The following BABAM2 variants were observed in gnomAD, a reference collection of about 807,000 sequenced individuals.
The protein encoded by BABAM2 is BRISC and BRCA1 A complex member 2, also known as BRISC and BRCA1-A complex member 2.
In BABAM2, 31 loss-of-function variants were observed where a neutral mutation model predicts 54.7. That is an observed-to-expected ratio of 0.57 (90% CI 0.43 to 0.77). The LOEUF (loss-of-function observed/expected upper bound fraction) is 0.77. Among genes scored for constraint, BABAM2 ranks in the 30% least tolerant of loss-of-function variants. The pLI is 0.00. For synonymous variants in BABAM2, 167 were observed against 162.9 expected (o/e 1.03, Z -0.19); for missense variants, 364 against 455.8 (o/e 0.80, Z 1.83).
chr2:28,172,113 GTGGT>G (rs1270996892), intron 7 of BABAM2, among the ~76,000 whole-genome samples: 1 of 150,724 alleles, frequency 6.6e-6, no homozygotes, highest in African/African-American at 2.4e-5. Flanking sequence ...GTGTGTGTGT[GTGGT>G]GTGTGTGTAT....
chr2:27,900,763 G>A (rs1351887603), intron 2 of BABAM2, among the ~76,000 whole-genome samples: 1 of 152,128 alleles, frequency 6.6e-6, no homozygotes, highest in Non-Finnish European at 1.5e-5. Flanking sequence ...ATTATAGTAG[G>A]CCGGGCGCGG....
At position 28,180,192 on chromosome 2, in the gene BABAM2, C is replaced by T. The variant is rs192307474; in HGVS notation, c.680+50812C>T. On this transcript the variant is annotated intron_variant, in intron 7 of 11. Coordinates refer to ENST00000379624, the MANE Select transcript of BABAM2 (RefSeq NM_199191.3). ...TGAGCAAAAAGAACAAAGCTGAAGG[C>T]ATCACACTACCTAACTGCAAAATAT... Among the ~76,000 whole-genome samples, 4 of 152,102 alleles carry T rather than the reference C, an allele frequency of 2.6e-5. No homozygotes were observed. In the East Asian group the frequency reaches 5.8e-4, roughly 22 times the overall value.
At chr2:28,082,480 G>A in intron 6 of BABAM2, among the ~76,000 whole-genome samples, 1 of 152,204 alleles carries the variant, frequency 6.6e-6, no homozygotes, top group Admixed American at 6.5e-5. Flanking sequence ...CCTTAGGCAA[G>A]TTATTTAACT....
At chr2:28,308,429 G>A (rs1330697254) in intron 11 of BABAM2, 2 of 525,484 alleles carry the variant, frequency 3.8e-6, no homozygotes, top group Non-Finnish European at 7.5e-6. Flanking sequence ...GAAGAAGATA[G>A]AAGACAACAA....
intron 6 of BABAM2, among the ~76,000 whole-genome samples, chr2:28,092,188 T>C (rs1385877128): frequency 1.3e-5 from 2 of 152,172 alleles, no homozygotes; most frequent in East Asian, 1.9e-4. Context: ...TACACTCTTA[T>C]GACTTTTCTA....
intron 2 of BABAM2, 105 bp downstream of exon 2, chr2:27,894,789 C>T: frequency 1.5e-6 from 2 of 1,348,410 alleles, no homozygotes; most frequent in South Asian, 2.7e-5. Context: ...CCACAGAAAC[C>T]CACCAAGTCA....
At chr2:28,062,825 G>A (rs1347414678) in intron 6 of BABAM2, among the ~76,000 whole-genome samples, 1 of 152,128 alleles carries the variant, frequency 6.6e-6, no homozygotes, top group Non-Finnish European at 1.5e-5. Context: ...TTTATCCCCA[G>A]GGTTTCTAAT....
At chr2:28,289,068 A>G (rs7557291) in intron 10 of BABAM2, among the ~76,000 whole-genome samples, 23 of 148,826 alleles carry the variant, frequency 1.5e-4, no homozygotes, top group African/African-American at 2.2e-4. Flanking sequence ...ACACACGCGC[A>G]CACACACACA....
intron 5 of BABAM2, among the ~76,000 whole-genome samples, chr2:28,041,934 G>GGT (rs926943328): frequency 1.5e-4 from 23 of 152,184 alleles, no homozygotes; most frequent in Admixed American, 1.4e-3. Flanking sequence ...TAGAGATAAA[G>GGT]GTGGTTCAGA....
intron 3 of BABAM2, among the ~76,000 whole-genome samples, chr2:27,985,043 A>G (rs1672299267): frequency 7.0e-6 from 1 of 143,772 alleles, no homozygotes; most frequent in Admixed American, 7.1e-5. Context: ...TTTATGGCTT[A>G]GTAGTATTCC....
At chr2:28,282,172 A>G (rs1007637116) in intron 10 of BABAM2, among the ~76,000 whole-genome samples, 1 of 152,238 alleles carries the variant, frequency 6.6e-6, no homozygotes, top group African/African-American at 2.4e-5. Context: ...GTCAGATGCC[A>G]TTAAAACCCC....
rs1363720255 is a variant in BABAM2 at position 28,026,919 on chromosome 2, TATATATAA to T, written c.495+1507_495+1514del. On this transcript the variant is annotated intron_variant, in intron 5 of 11. Transcript: ENST00000379624. ...ATAAATATATATAAATATATATTAA[TATATATAA>T]ATATATATATAAATATATATTAATA... 1.4e-3 allele frequency among the ~76,000 whole-genome samples: 44 copies of T among 30,682 alleles called. 4 individuals carry two copies. Among genetic ancestry groups the T allele is most frequent in the South Asian group, 3.6e-3 (2 of 552 alleles). 20.1% of individuals were successfully genotyped at this position (30,682 alleles called of 152,430 possible). A position where few individuals can be genotyped will look rare whatever the true frequency, so the allele number is the denominator to read the frequency against.
chr2:27,989,319 T>G (rs1196481484), intron 4 of BABAM2, among the ~76,000 whole-genome samples: 1 of 152,028 alleles, frequency 6.6e-6, no homozygotes, highest in African/African-American at 2.4e-5. Context: ...CCTCAGGAAT[T>G]TAAAGGTGGT....
intron 7 of BABAM2, among the ~76,000 whole-genome samples, chr2:28,131,721 A>G (rs899494512): frequency 6.6e-6 from 1 of 152,172 alleles, no homozygotes; most frequent in Non-Finnish European, 1.5e-5. Context: ...GAGAAGAACG[A>G]GTGAGTGTTT....
intron 10 of BABAM2, among the ~76,000 whole-genome samples, chr2:28,261,270 TG>T (rs1254869368): frequency 7.9e-5 from 12 of 151,996 alleles, no homozygotes; most frequent in Admixed American, 2.0e-4. Context: ...AATTGCTAAT[TG>T]TTAATATATA....
At chr2:28,048,359 G>T (rs964219387) in intron 6 of BABAM2, among the ~76,000 whole-genome samples, 1 of 152,106 alleles carries the variant, frequency 6.6e-6, no homozygotes, top group Non-Finnish European at 1.5e-5. Flanking sequence ...CCTTAATATT[G>T]TATTGTAAAC....
chr2:28,144,367 A>G (rs1243152571), intron 7 of BABAM2, among the ~76,000 whole-genome samples: 1 of 152,190 alleles, frequency 6.6e-6, no homozygotes. Flanking sequence ...AGGATAAACT[A>G]GTGAGGAAAA....
intron 10 of BABAM2, among the ~76,000 whole-genome samples, chr2:28,257,902 C>T (rs1227585922): frequency 4.6e-5 from 7 of 151,608 alleles, no homozygotes; most frequent in Admixed American, 2.6e-4. Context: ...AGAAGCCGGG[C>T]GTGGTGGCTC....
intron 3 of BABAM2, among the ~76,000 whole-genome samples, chr2:27,951,236 G>T (rs1274862471): frequency 2.0e-5 from 3 of 152,060 alleles, no homozygotes; most frequent in Non-Finnish European, 2.9e-5. Context: ...CATGGTCATT[G>T]ATTTGAGATC....
Sources: gnomAD v4.1 joint callset for allele counts (sites outside exome capture counted in the v4.1 genomes callset) on GRCh38, gnomAD v4.1.1 for gene constraint, MANE v1.5 for transcripts, NCBI Gene and HGNC (gene_info 2026-07-23, HGNC 2026-07-21) for gene names.